LDLRAD3: variants seen among roughly 807,000 people sequenced by gnomAD.
LDLRAD3 encodes the protein low-density lipoprotein receptor class A domain-containing protein 3.
A neutral mutation model predicts 29.4 loss-of-function variants in LDLRAD3; 20 were observed. The ratio of observed to expected loss-of-function variants is 0.68; its 90% confidence interval spans 0.48 to 0.99. The LOEUF is 0.99. Among genes scored for constraint, LDLRAD3 ranks in the 50% least tolerant of loss-of-function variants. The probability of loss-of-function intolerance (pLI) is 0.00; values close to 1 mark genes in which losing one functional copy is unlikely to be tolerated. For missense variants in LDLRAD3, 420 were observed against 454.3 expected (o/e 0.92, Z 0.69); for synonymous variants, 157 against 192.7 (o/e 0.81, Z 1.53).
At chr11:36,212,551 CAAA>C (rs34139512) in intron 4 of LDLRAD3, among the ~76,000 whole-genome samples, 9 of 123,222 alleles carry the variant, frequency 7.3e-5, no homozygotes, top group South Asian at 2.7e-4. Flanking sequence ...GACCCTGTCT[CAAA>C]AAAAAAAAAA....
intron 4 of LDLRAD3, among the ~76,000 whole-genome samples, chr11:36,111,872 C>T (rs550987927): frequency 1.3e-5 from 2 of 152,366 alleles, no homozygotes; most frequent in South Asian, 2.1e-4. Flanking sequence ...GTTGGGGTTA[C>T]AGGCGTGAGC....
chr11:36,144,922 C>T (rs1293590275), intron 4 of LDLRAD3, among the ~76,000 whole-genome samples: 4 of 104,942 alleles, frequency 3.8e-5, no homozygotes, highest in African/African-American at 1.1e-4. Flanking sequence ...CCCGGCCGCC[C>T]CTACTGGGAA....
intron 4 of LDLRAD3, among the ~76,000 whole-genome samples, chr11:36,215,939 C>T (rs925702933): frequency 4.5e-4 from 68 of 152,200 alleles, no homozygotes; most frequent in African/African-American, 1.6e-3. Context: ...AGAACCAGGG[C>T]AGCCTTTGGA....
intron 1 of LDLRAD3, among the ~76,000 whole-genome samples, chr11:36,014,548 C>T (rs1365070329): frequency 1.3e-5 from 2 of 152,122 alleles, no homozygotes; most frequent in East Asian, 3.9e-4. Context: ...CACACCTGCT[C>T]CCTCCTTTCC....
chr11:36,140,907 T>C lies in LDLRAD3; in HGVS notation c.454+42446T>C, dbSNP rs188176363. On this transcript the variant is annotated intron_variant, in intron 4 of 5. Transcript: ENST00000315571. Reference sequence around the variant, plus strand: ...AGATAAAGCATCCTTCTTTGCCTTATCCGAAAGGTACTACTAATGTGAAAA... The same window carrying C: ...AGATAAAGCATCCTTCTTTGCCTTACCCGAAAGGTACTACTAATGTGAAAA... Among the ~76,000 whole-genome samples, 210 of 152,030 alleles carry C rather than the reference T, an allele frequency of 1.4e-3. 1 individual carries two copies. Among genetic ancestry groups the C allele is most frequent in the Middle Eastern group, 6.8e-3 (2 of 294 alleles).
At chr11:36,067,125 C>T (rs1852808038) in intron 2 of LDLRAD3, among the ~76,000 whole-genome samples, 1 of 152,066 alleles carries the variant, frequency 6.6e-6, no homozygotes, top group Non-Finnish European at 1.5e-5. Context: ...TCTTTCATAC[C>T]CAACTAAAAT....
intron 3 of LDLRAD3, among the ~76,000 whole-genome samples, chr11:36,084,526 G>A (rs1853167677): frequency 6.6e-6 from 1 of 152,156 alleles, no homozygotes; most frequent in Admixed American, 6.5e-5. Context: ...ATGTTGGAAA[G>A]TGGTAAATAA....
In LDLRAD3 at chr11:35,946,962, G is replaced by T. The variant is rs1466510779; in HGVS notation, c.46+2818G>T. ...TCATCTTCAAAGAGATGTGACTAAG[G>T]CTCCCTACTGGGGTGTGAGATGTTT... On this transcript the variant is annotated intron_variant, in intron 1 of 5. Coordinates refer to ENST00000315571, the MANE Select transcript of LDLRAD3 (RefSeq NM_174902.4). Among the ~76,000 whole-genome samples the T allele has an allele frequency of 5.9e-5, 9 of 152,254 alleles. No individual in the cohort carries two copies. The South Asian group carries it at 8.3e-4, about 14-fold the overall frequency.
intron 1 of LDLRAD3, among the ~76,000 whole-genome samples, chr11:35,964,294 A>T (rs186748916): frequency 1.0e-3 from 158 of 152,304 alleles, no homozygotes; most frequent in African/African-American, 3.7e-3. Flanking sequence ...CTATGAGGTC[A>T]AGACTGTCAT....
intron 2 of LDLRAD3, among the ~76,000 whole-genome samples, chr11:36,080,513 C>T (rs765853458): frequency 1.3e-5 from 2 of 152,124 alleles, no homozygotes; most frequent in Admixed American, 6.5e-5. Flanking sequence ...ATCTGCATGC[C>T]GGGCCTCACC....
intron 4 of LDLRAD3, among the ~76,000 whole-genome samples, chr11:36,140,578 G>A (rs971387865): frequency 2.6e-5 from 4 of 152,116 alleles, no homozygotes; most frequent in African/African-American, 4.8e-5. Context: ...ACAGGTGTGC[G>A]CCACCATGCC....
chr11:36,038,842 C>A (rs1170369783), intron 2 of LDLRAD3, among the ~76,000 whole-genome samples: 2 of 152,198 alleles, frequency 1.3e-5, no homozygotes, highest in Non-Finnish European at 2.9e-5. Flanking sequence ...ATACATTAAC[C>A]TCTCTCTGTA....
intron 1 of LDLRAD3, among the ~76,000 whole-genome samples, chr11:35,973,376 C>T (rs1590697064): frequency 6.6e-6 from 1 of 152,248 alleles, no homozygotes; most frequent in East Asian, 1.9e-4. Context: ...ATTGGATAGC[C>T]TTATGCATAT....
At chr11:36,144,042 C>T (rs1216213431) in intron 4 of LDLRAD3, among the ~76,000 whole-genome samples, 7 of 151,758 alleles carry the variant, frequency 4.6e-5, no homozygotes, top group African/African-American at 1.7e-4. Flanking sequence ...GATTCTCCTG[C>T]CTCAGCCTGC....
At chr11:36,096,713 G>C (rs1261850910) in intron 3 of LDLRAD3, among the ~76,000 whole-genome samples, 1 of 152,268 alleles carries the variant, frequency 6.6e-6, no homozygotes, top group Non-Finnish European at 1.5e-5. Context: ...CAGGGCCAGT[G>C]CTTAGCTTAG....
intron 4 of LDLRAD3, among the ~76,000 whole-genome samples, chr11:36,100,001 A>G (rs546229114): frequency 2.6e-5 from 4 of 152,156 alleles, no homozygotes; most frequent in Admixed American, 2.6e-4. Context: ...TCAGCATCAC[A>G]TGAGAACTCC....
chr11:36,160,759 A>G (rs1043940043), intron 4 of LDLRAD3, among the ~76,000 whole-genome samples: 5 of 152,210 alleles, frequency 3.3e-5, no homozygotes, highest in African/African-American at 7.2e-5. Flanking sequence ...AAGTCACACA[A>G]TGACTTAGTG....
chr11:35,995,019 G>C (rs1251916669), intron 1 of LDLRAD3, among the ~76,000 whole-genome samples: 2 of 152,152 alleles, frequency 1.3e-5, no homozygotes, highest in Non-Finnish European at 2.9e-5. Flanking sequence ...TGTGAGGGTT[G>C]GAATCAGTTT....
intron 1 of LDLRAD3, among the ~76,000 whole-genome samples, chr11:35,990,151 T>C (rs1052001389): frequency 3.3e-5 from 5 of 152,192 alleles, no homozygotes; most frequent in Non-Finnish European, 5.9e-5. Context: ...TGCCCAGCTC[T>C]CAGGGTTGCC....
Sources: gnomAD v4.1 joint callset for allele counts (sites outside exome capture counted in the v4.1 genomes callset) on GRCh38, gnomAD v4.1.1 for gene constraint, MANE v1.5 for transcripts, NCBI Gene and HGNC (gene_info 2026-07-23, HGNC 2026-07-21) for gene names.